The following ALS2 variants were observed in gnomAD, a reference collection of about 807,000 sequenced individuals.
The protein encoded by ALS2 is alsin Rho guanine nucleotide exchange factor ALS2, also known as alsin.
In ALS2, 117 loss-of-function variants were observed where a neutral mutation model predicts 203.4. The ratio of observed to expected loss-of-function variants is 0.58; its 90% CI spans 0.50 to 0.67. ALS2 has a LOEUF of 0.67. ALS2 is among the 30% of genes least tolerant of loss of function. The pLI is 0.00. For synonymous variants in ALS2, 718 were observed against 725.9 expected (o/e 0.99, Z 0.17); for missense variants, 1,715 against 1,989.4 (o/e 0.86, Z 2.62).
At chr2:201,716,542 CAAA>C (rs745396344) in intron 24 of ALS2, 6 of 60,990 alleles carry the variant, frequency 9.8e-5, no homozygotes, top group South Asian at 6.8e-4. Context: ...CGCTCCATCT[CAAA>C]AAAAAAAAAA....
At chr2:201,706,722 G>T in intron 29 of ALS2, 124 bp downstream of exon 29, 1 of 948,170 alleles carries the variant, frequency 1.1e-6, no homozygotes, top group Non-Finnish European at 1.6e-6. Context: ...TGTTAAAGAA[G>T]ACATATGCAA....
intron 23 of ALS2, among the ~76,000 whole-genome samples, chr2:201,719,537 T>C (rs1057509368): frequency 3.9e-5 from 6 of 152,000 alleles, no homozygotes; most frequent in African/African-American, 1.4e-4. Flanking sequence ...TGCAGTGAGC[T>C]GACATCATGC....
chr2:201,760,755 C>A, intron 4 of ALS2, 126 bp downstream of exon 4: 1 of 1,448,134 alleles, frequency 6.9e-7, no homozygotes, highest in South Asian at 1.6e-5. Flanking sequence ...CCTGATAAAA[C>A]AAAATTATAA....
intron 21 of ALS2, among the ~76,000 whole-genome samples, 160 bp from the exon 22 acceptor site, chr2:201,723,601 A>AT (rs1690957223): frequency 6.6e-6 from 1 of 152,218 alleles, no homozygotes; most frequent in African/African-American, 2.4e-5. Flanking sequence ...ATATGGGACA[A>AT]AGTGATAGCA....
chr2:201,704,528 C>T lies in ALS2; in HGVS notation c.4764G>A (p.Ala1588=), dbSNP rs35110478. The T allele has an allele frequency of 9.2e-4, 1,479 of 1,614,042 alleles. 13 individuals are homozygous for T. The African/African-American group carries it at 0.017, about 18-fold the overall frequency. Residue 1588 remains alanine, a synonymous_variant, in exon 32 of 34, where the codon GCG becomes GCA. Transcript: ENST00000264276. ...TFEEISQSVL[A]SLHEDFLWSM... is the part of the protein sequence containing the mutation. Reference sequence around the variant, plus strand: ...ACCACAAGAAGTCTTCGTGGAGTGACGCCAGGACACTCTGAGAGATCTCCT... The same window carrying T: ...ACCACAAGAAGTCTTCGTGGAGTGATGCCAGGACACTCTGAGAGATCTCCT...
chr2:201,773,764 T>C (rs985321440), intron 1 of ALS2, among the ~76,000 whole-genome samples: 1 of 152,126 alleles, frequency 6.6e-6, no homozygotes, highest in Non-Finnish European at 1.5e-5. Flanking sequence ...TGTCAAGCTT[T>C]AAGGAGCTCC....
chr2:201,702,004 C>G (rs1431979642), intron 33 of ALS2, 115 bp from the exon 34 acceptor site: 1 of 911,238 alleles, frequency 1.1e-6, no homozygotes, highest in Non-Finnish European at 1.8e-6. Flanking sequence ...CAGCTGATGG[C>G]CCAACAGATT....
chr2:201,778,459 CT>C (rs1379917871), intron 1 of ALS2: 4 of 152,066 alleles, frequency 2.6e-5, no homozygotes, highest in African/African-American at 9.7e-5. Flanking sequence ...ATCAGTTCAG[CT>C]ACATGCAGGC....
At chr2:201,717,807 G>A (rs183856404) in intron 24 of ALS2, among the ~76,000 whole-genome samples, 1 of 152,098 alleles carries the variant, frequency 6.6e-6, no homozygotes, top group Admixed American at 6.5e-5. Context: ...GGGCATGGTA[G>A]CGGGTGCCTG....
At chr2:201,746,856 AG>A in intron 8 of ALS2, 108 bp from the exon 9 acceptor site, 1 of 1,297,416 alleles carries the variant, frequency 7.7e-7, no homozygotes, top group South Asian at 1.2e-5. Flanking sequence ...TGGTGCAGTC[AG>A]TCATATCTGA....
intron 12 of ALS2, among the ~76,000 whole-genome samples, chr2:201,734,561 G>C (rs1016554984): frequency 1.3e-5 from 2 of 152,088 alleles, no homozygotes; most frequent in Admixed American, 1.3e-4. Flanking sequence ...TTCTACTGCA[G>C]AGATCAGCTG....
chr2:201,707,968 T>C lies in ALS2; in HGVS notation c.4304A>G (p.Glu1435Gly), dbSNP rs549986860. The C allele has an allele frequency of 1.2e-6, 2 of 1,612,686 alleles. No individual in the cohort carries two copies. Among genetic ancestry groups the C allele is most frequent in the Admixed American group, 1.7e-5 (1 of 59,982 alleles). Residue 1435 changes from glutamate to glycine, a missense_variant, in exon 28 of 34, where the codon GAA (glutamate) becomes GGA (glycine). This residue lies in a region of ALS2 where 1,227 missense variants were observed against 1,413.5 expected (regional missense o/e 0.87). Coordinates refer to ENST00000264276, the MANE Select transcript of ALS2 (RefSeq NM_020919.4). Reference sequence around the variant, plus strand: ...AGAGAGAGGAATTGTGCTGCCTTCTTCAGGCAGCTCAGGAAATAAGAACCT... The same window carrying C: ...AGAGAGAGGAATTGTGCTGCCTTCTCCAGGCAGCTCAGGAAATAAGAACCT... ...LVRFLFPELPEEGSTIPLSAP... is the reference protein window; with the variant it reads ...LVRFLFPELPGEGSTIPLSAP...
In ALS2 at chr2:201,723,328, A is replaced by T; in HGVS notation, c.3624+2T>A. 1 of 1,601,614 alleles carries T rather than the reference A, an allele frequency of 6.2e-7. No homozygotes were observed. The highest frequency in any genetic ancestry group is 8.6e-7 in the Non-Finnish European group (1 of 1,168,624). ...ATAACTACATGCAAATATTCCACTC[A>T]CCATCATTTTATTAAGGTGAAAGTT... On this transcript the variant is annotated splice_donor_variant, in intron 22 of 33. Coordinates refer to ENST00000264276, the MANE Select transcript of ALS2 (RefSeq NM_020919.4). LOFTEE classifies it high-confidence loss of function.
rs41308818 is a variant in ALS2, at chr2:201,754,587, G to A, written c.1556C>T (p.Ala519Val). The A allele has an allele frequency of 3.5e-5, 57 of 1,614,034 alleles. No individual in the cohort carries two copies. The East Asian group carries it at 6.7e-4, about 19-fold the overall frequency. ...TTCTGTTCTCAGAGAAGGCAGGAGCGCATCTGCTTCTCCACTGTATGTGGG... is the reference window on the plus strand; with the variant it reads ...TTCTGTTCTCAGAGAAGGCAGGAGCACATCTGCTTCTCCACTGTATGTGGG... ...LTPTYSGEADALLPSLRTEVW... is the reference protein window; with the variant it reads ...LTPTYSGEADVLLPSLRTEVW... The change falls in exon 6 of 34, where the codon GCG becomes GTG. Residue 519 changes from alanine to valine, a missense_variant. By Grantham distance (64) the Ala-to-Val change is moderately conservative. This residue lies in a region of ALS2 where 1,227 missense variants were observed against 1,413.5 expected (regional missense o/e 0.87). Transcript: ENST00000264276.
intron 23 of ALS2, among the ~76,000 whole-genome samples, chr2:201,720,651 C>T (rs1690722347): frequency 6.6e-6 from 1 of 151,388 alleles, no homozygotes. Flanking sequence ...GAGGTTGAGG[C>T]TGCAGGGAGC....
intron 23 of ALS2, chr2:201,721,986 A>T (rs1238376731): frequency 1.3e-5 from 2 of 152,324 alleles, no homozygotes; most frequent in African/African-American, 4.8e-5. Context: ...CATCAAAAGC[A>T]TAATTCATAA....
In ALS2 at chr2:201,757,555, C is replaced by G. The variant is rs1476385041; in HGVS notation, c.1318G>C (p.Ala440Pro). 1 of 1,614,166 alleles carries G rather than the reference C, an allele frequency of 6.2e-7. No individual in the cohort carries two copies. The highest frequency in any genetic ancestry group is 8.5e-7 in the Non-Finnish European group (1 of 1,180,034). ...CETGAQAGSS[A>P]IGPEGLKDSR... ...TCTTTCAAACCTTCGGGGCCAATGG[C>G]ACTACTGCCTGCCTGAGCTCCAGTT... The change falls in exon 5 of 34, where the codon GCC becomes CCC. Residue 440 changes from alanine to proline, a missense_variant. By Grantham distance (27) the Ala-to-Pro change is conservative. Transcript: ENST00000264276.
rs1394660665 is a variant in ALS2 at position 201,757,515 on chromosome 2, T to C, written c.1358A>G (p.Gln453Arg). 1.9e-6 allele frequency: 3 copies of C among 1,613,962 alleles called. No homozygotes were observed. Among genetic ancestry groups the C allele is most frequent in the Non-Finnish European group, 2.5e-6 (3 of 1,179,968 alleles). Residue 453 changes from glutamine (Q) to arginine (R), a missense_variant, in exon 5 of 34, where the codon CAG becomes CGG. Gln to Arg is a conservative substitution (Grantham distance 43). Transcript: ENST00000264276. ...PEGLKDSREEQVKQESMQGKK... is the reference protein window; with the variant it reads ...PEGLKDSREERVKQESMQGKK... ...TCCTTGCATTGATTCCTGTTTAACC[T>C]GTTCTTCCCTGCTATCTTTCAAACC...
At chr2:201,728,874 T>A (rs1280066337) in intron 14 of ALS2, among the ~76,000 whole-genome samples, 178 bp downstream of exon 14, 1 of 152,156 alleles carries the variant, frequency 6.6e-6, no homozygotes, top group Admixed American at 6.5e-5. Flanking sequence ...CAGAGAGGAT[T>A]TCTAGAAATG....
Sources: gnomAD v4.1 joint callset for allele counts (sites outside exome capture counted in the v4.1 genomes callset) on GRCh38, gnomAD v4.1.1 for gene constraint, gnomAD v4.1.1 regional missense constraint, MANE v1.5 for transcripts, NCBI Gene and HGNC (gene_info 2026-07-23, HGNC 2026-07-21) for gene names.